Variants in NCKAP5 observed in about 807,000 individuals in gnomAD.
NCKAP5 encodes nck-associated protein 5.
A neutral mutation model predicts 167.0 loss-of-function variants in NCKAP5; 92 were observed. The ratio of observed to expected loss-of-function variants is 0.55; its 90% CI spans 0.47 to 0.66. NCKAP5 has a LOEUF of 0.66. NCKAP5 is among the 30% of genes least tolerant of loss of function. NCKAP5 has a pLI of 0.00. For synonymous variants in NCKAP5, 891 were observed against 877.4 expected (o/e 1.02, Z -0.27); for missense variants, 2,378 against 2,315.0 (o/e 1.03, Z -0.56).
At chr2:133,210,154 A>G (rs963599635) in intron 5 of NCKAP5, among the ~76,000 whole-genome samples, 2 of 150,852 alleles carry the variant, frequency 1.3e-5, no homozygotes, top group Admixed American at 6.6e-5. Context: ...AACAAGAGTG[A>G]AACTCCATCT....
intron 6 of NCKAP5, among the ~76,000 whole-genome samples, chr2:133,078,475 G>T (rs2080687873): frequency 6.6e-6 from 1 of 152,110 alleles, no homozygotes; most frequent in Admixed American, 6.5e-5. Context: ...AGCCAACTCT[G>T]CATGGGGAGA....
intron 19 of NCKAP5, among the ~76,000 whole-genome samples, chr2:132,700,993 G>A (rs943677070): frequency 1.3e-4 from 19 of 151,734 alleles, no homozygotes; most frequent in East Asian, 5.8e-4. Context: ...TGATTTAATC[G>A]GTCTAGAATT....
intron 12 of NCKAP5, among the ~76,000 whole-genome samples, chr2:132,796,182 G>A (rs752751523): frequency 3.9e-5 from 6 of 151,920 alleles, no homozygotes; most frequent in Non-Finnish European, 8.8e-5. Context: ...TTATGTCAAC[G>A]AGAGTTAAAA....
At chr2:133,560,470 A>C (rs12993518) in intron 1 of NCKAP5, among the ~76,000 whole-genome samples, 55,298 of 152,008 alleles carry the variant, frequency 0.36, 10,548 homozygotes, top group East Asian at 0.43. Context: ...ATGGAGCTAC[A>C]AGAGTACATC....
chr2:133,129,059 G>A (rs138741248), intron 6 of NCKAP5, among the ~76,000 whole-genome samples: 15 of 149,054 alleles, frequency 1.0e-4, no homozygotes, highest in East Asian at 9.8e-4. Context: ...ATAGGATTGC[G>A]ATGACCACTG....
chr2:132,917,110 C>T (rs1326264390), intron 8 of NCKAP5, among the ~76,000 whole-genome samples: 3 of 152,096 alleles, frequency 2.0e-5, no homozygotes, highest in East Asian at 1.9e-4. Context: ...CTTAACATCC[C>T]TTGTTTACAG....
chr2:133,063,838 T>TA (rs1381575377), intron 6 of NCKAP5, among the ~76,000 whole-genome samples: 3 of 152,216 alleles, frequency 2.0e-5, no homozygotes, highest in Admixed American at 6.5e-5. Flanking sequence ...TTAAGATATT[T>TA]AACTGATATA....
chr2:132,833,605 T>G (rs1687674759), intron 11 of NCKAP5, among the ~76,000 whole-genome samples: 1 of 152,212 alleles, frequency 6.6e-6, no homozygotes, highest in Non-Finnish European at 1.5e-5. Context: ...CCAGAATCAT[T>G]TATTCAAAAG....
chr2:133,436,687 G>A (rs2151145452), intron 3 of NCKAP5, among the ~76,000 whole-genome samples: 1 of 152,132 alleles, frequency 6.6e-6, no homozygotes, highest in Non-Finnish European at 1.5e-5. Context: ...TGAGAGACTC[G>A]GCTTCGGCGT....
chr2:133,257,457 A>G (rs2088674596), intron 4 of NCKAP5, among the ~76,000 whole-genome samples: 1 of 152,108 alleles, frequency 6.6e-6, no homozygotes. Flanking sequence ...ATGCATTTAT[A>G]TTCATAAATA....
At chr2:133,463,368 T>G (rs1217091981) in intron 3 of NCKAP5, among the ~76,000 whole-genome samples, 1 of 152,244 alleles carries the variant, frequency 6.6e-6, no homozygotes, top group Non-Finnish European at 1.5e-5. Context: ...TTTGCCCTTT[T>G]GTGATTCACA....
intron 3 of NCKAP5, among the ~76,000 whole-genome samples, chr2:133,430,528 C>T (rs1388089853): frequency 6.6e-6 from 1 of 152,084 alleles, no homozygotes; most frequent in African/African-American, 2.4e-5. Flanking sequence ...AGTCTTTAAT[C>T]CATCTTGAGT....
At position 132,673,132 on chromosome 2, in the gene NCKAP5, T is replaced by A; in HGVS notation, c.*157A>T. On this transcript the variant is annotated 3_prime_UTR_variant, in exon 20 of 20. Transcript: ENST00000409261. ...CAGGCCTATCTGAACTACTCAAAGA[T>A]GTCTCTTCATTTTTTTCTTTTTCTT... 1 of 1,352,574 alleles carries A rather than the reference T, an allele frequency of 7.4e-7. No homozygotes were observed. The highest frequency in any genetic ancestry group is 9.5e-7 in the Non-Finnish European group (1 of 1,057,054). The allele number at this position is 1,352,574 out of a possible 1,614,324, so 83.8% of individuals were successfully genotyped here.
intron 3 of NCKAP5, among the ~76,000 whole-genome samples, chr2:133,505,290 G>A (rs1351999542): frequency 1.3e-5 from 2 of 152,074 alleles, no homozygotes; most frequent in East Asian, 3.8e-4. Context: ...TTTGAGGTTG[G>A]TCAGACATGA....
At position 133,031,791 on chromosome 2, in the gene NCKAP5, G is replaced by A. The variant is rs138422052; in HGVS notation, c.342-37552C>T. On this transcript the variant is annotated intron_variant, in intron 6 of 19. Coordinates refer to ENST00000409261, the MANE Select transcript of NCKAP5 (RefSeq NM_207363.3). ...TACCGGCTGAGCCACAGCAGGATAC[G>A]GCACTGGTCAGAGTCATGAGGCCCC... 4.1e-3 allele frequency among the ~76,000 whole-genome samples: 622 copies of A among 152,142 alleles called. 5 individuals carry two copies. Among genetic ancestry groups the A allele is most frequent in the African/African-American group, 0.015 (602 of 41,492 alleles).
At chr2:133,001,421 T>C (rs1362635939) in intron 6 of NCKAP5, among the ~76,000 whole-genome samples, 6 of 152,124 alleles carry the variant, frequency 3.9e-5, no homozygotes, top group Admixed American at 3.9e-4. Context: ...GGTTTTGCCA[T>C]GTTTCCCAGA....
At chr2:132,932,921 C>CCT (rs1696509913) in intron 8 of NCKAP5, among the ~76,000 whole-genome samples, 1 of 120,010 alleles carries the variant, frequency 8.3e-6, no homozygotes, top group African/African-American at 3.5e-5. Context: ...TTATCCTCTA[C>CCT]TTTTTTTTTT....
chr2:133,649,985 T>C, the NCKAP5 span, among the ~76,000 whole-genome samples: 1 of 151,960 alleles, frequency 6.6e-6, no homozygotes, highest in East Asian at 1.9e-4. Flanking sequence ...AATAAATAAA[T>C]AAAACTGTTA....
intron 8 of NCKAP5, among the ~76,000 whole-genome samples, chr2:132,895,119 C>G (rs984793770): frequency 6.6e-5 from 10 of 152,050 alleles, no homozygotes; most frequent in East Asian, 1.9e-4. Flanking sequence ...ATCACAAGGT[C>G]AGGAGATGGA....
Sources: gnomAD v4.1 joint callset for allele counts (sites outside exome capture counted in the v4.1 genomes callset) on GRCh38, gnomAD v4.1.1 for gene constraint, MANE v1.5 for transcripts, NCBI Gene and HGNC (gene_info 2026-07-23, HGNC 2026-07-21) for gene names.